SYNE2: variants seen among roughly 807,000 people sequenced by gnomAD.
The protein encoded by SYNE2 is nesprin-2.
Under a neutral mutation model 856.3 loss-of-function variants are expected in SYNE2, and 431 were observed. The ratio of observed to expected loss-of-function variants is 0.50; its 90% confidence interval spans 0.47 to 0.55. The LOEUF is 0.55. SYNE2 is among the 20% of genes least tolerant of loss of function. The probability of loss-of-function intolerance (pLI) is 0.00; values close to 1 mark genes in which losing one functional copy is unlikely to be tolerated. For synonymous variants in SYNE2, 2,923 were observed against 2,872.3 expected, an observed-to-expected ratio of 1.02 and a Z score of -0.56; for missense variants, 8,129 against 8,023.2, an observed-to-expected ratio of 1.01 and a Z score of -0.50.
In SYNE2 at chr14:63,790,524, T is replaced by G. The variant is rs576363131; in HGVS notation, c.-305+28538T>G. On this transcript the variant is annotated intron_variant, in intron 1 of 23. Coordinates refer to the SYNE2 transcript ENST00000674003. Reference sequence around the variant, plus strand: ...TAAAGAATACCTTTTACTTTTGTAATCAGAAAAAACAATACAGCTGTCTCC... The same window carrying G: ...TAAAGAATACCTTTTACTTTTGTAAGCAGAAAAAACAATACAGCTGTCTCC... Among the ~76,000 whole-genome samples, 28 of 152,228 alleles carry G rather than the reference T, an allele frequency of 1.8e-4. 1 individual carries two copies. The highest frequency in any genetic ancestry group is 3.2e-4 in the Non-Finnish European group (22 of 68,006).
chr14:64,199,634 C>T (rs1057285109), intron 99 of SYNE2, among the ~76,000 whole-genome samples: 1 of 149,312 alleles, frequency 6.7e-6, no homozygotes, highest in Non-Finnish European at 1.5e-5. Context: ...AGGAGAATCA[C>T]TTGAACCTGG....
chr14:63,874,701 A>G (rs2094675306), intron 1 of SYNE2, among the ~76,000 whole-genome samples: 1 of 152,218 alleles, frequency 6.6e-6, no homozygotes, highest in Non-Finnish European at 1.5e-5. Context: ...ACAAGTGGGT[A>G]ACCTCAAAGG....
chr14:64,177,330 TA>T (rs755058243), intron 95 of SYNE2, 27 bp from the exon 96 acceptor site: 4 of 1,613,820 alleles, frequency 2.5e-6, no homozygotes, highest in Non-Finnish European at 3.4e-6. Flanking sequence ...GCAAAATACT[TA>T]CCAGTTTTAA....
chr14:63,869,461 A>C (rs2140347051), intron 1 of SYNE2, among the ~76,000 whole-genome samples: 1 of 151,818 alleles, frequency 6.6e-6, no homozygotes, highest in African/African-American at 2.4e-5. Flanking sequence ...ATCTCTACTA[A>C]AAATACAAAA....
At chr14:64,100,223 C>T (rs1393694371) in intron 63 of SYNE2, 2 of 151,686 alleles carry the variant, frequency 1.3e-5, no homozygotes, top group Non-Finnish European at 2.9e-5. Flanking sequence ...AGTAAACTAT[C>T]GCAAGAACAA....
At chr14:63,918,047 T>A (rs2095552648) in intron 2 of SYNE2, among the ~76,000 whole-genome samples, 1 of 152,158 alleles carries the variant, frequency 6.6e-6, no homozygotes, top group South Asian at 2.1e-4. Flanking sequence ...TCATTCCTTA[T>A]AGAAATAAAA....
At chr14:63,873,054 G>A (rs2094625180) in intron 1 of SYNE2, among the ~76,000 whole-genome samples, 2 of 152,014 alleles carry the variant, frequency 1.3e-5, no homozygotes, top group South Asian at 2.1e-4. Flanking sequence ...TTTTCGTTTT[G>A]ATTTGTAGGT....
intron 9 of SYNE2, among the ~76,000 whole-genome samples, chr14:63,962,900 A>G (rs1318346390): frequency 6.6e-6 from 1 of 152,212 alleles, no homozygotes; most frequent in Non-Finnish European, 1.5e-5. Flanking sequence ...TCAGTGAATT[A>G]CACAAAATAT....
chr14:64,156,240 A>T (rs2098284135), intron 85 of SYNE2, among the ~76,000 whole-genome samples: 1 of 152,150 alleles, frequency 6.6e-6, no homozygotes, highest in African/African-American at 2.4e-5. Flanking sequence ...AAGGTGCTAG[A>T]AGTTCCACCA....
intron 37 of SYNE2, among the ~76,000 whole-genome samples, 164 bp downstream of exon 37, chr14:64,022,192 T>C (rs1482633531): frequency 1.3e-5 from 2 of 152,220 alleles, no homozygotes; most frequent in Non-Finnish European, 2.9e-5. Flanking sequence ...GACTGATTTA[T>C]GCTTGACATA....
At chr14:63,814,808 CCATAT>C (rs1888821866) in intron 1 of SYNE2, among the ~76,000 whole-genome samples, 3 of 61,938 alleles carry the variant, frequency 4.8e-5, no homozygotes, top group African/African-American at 1.8e-4. Context: ...CCATATATAT[CCATAT>C]ATATATCCAT....
At chr14:63,768,000 C>T (rs965082760) in intron 1 of SYNE2, among the ~76,000 whole-genome samples, 1 of 151,964 alleles carries the variant, frequency 6.6e-6, no homozygotes, top group Non-Finnish European at 1.5e-5. Flanking sequence ...TCAGGACCAG[C>T]CTAGGCAGCA....
chr14:63,921,308 A>G (rs974548324), intron 2 of SYNE2, among the ~76,000 whole-genome samples: 1 of 152,196 alleles, frequency 6.6e-6, no homozygotes, highest in Non-Finnish European at 1.5e-5. Flanking sequence ...ATATCCAGAC[A>G]ACAATGGGAT....
chr14:63,790,426 C>A (rs1014451089), intron 1 of SYNE2, among the ~76,000 whole-genome samples: 1 of 152,118 alleles, frequency 6.6e-6, no homozygotes, highest in Non-Finnish European at 1.5e-5. Context: ...TTTTGTATAT[C>A]TGAGTTTGTT....
chr14:64,184,715 C>T (rs777415326), intron 96 of SYNE2, among the ~76,000 whole-genome samples: 21 of 152,188 alleles, frequency 1.4e-4, no homozygotes, highest in Non-Finnish European at 2.8e-4. Context: ...CTGCTGTCAT[C>T]TACTGGAACC....
chr14:64,101,246 T>A (rs1002749149), intron 63 of SYNE2, among the ~76,000 whole-genome samples: 1 of 152,164 alleles, frequency 6.6e-6, no homozygotes, highest in Non-Finnish European at 1.5e-5. Context: ...CCACCGACAG[T>A]ATTCAGGGGT....
intron 86 of SYNE2, 64 bp downstream of exon 86, chr14:64,158,859 A>G: frequency 6.5e-7 from 1 of 1,548,414 alleles, no homozygotes; most frequent in South Asian, 1.1e-5. Context: ...GAGGAAGCAC[A>G]GTAACGGGCA....
intron 1 of SYNE2, among the ~76,000 whole-genome samples, chr14:63,830,506 T>A (rs1427262356): frequency 7.9e-5 from 12 of 151,756 alleles, no homozygotes; most frequent in Non-Finnish European, 1.6e-4. Flanking sequence ...AAATAATTTT[T>A]AAAAATTAAC....
chr14:63,995,703 C>CT (rs1230265978), intron 23 of SYNE2, among the ~76,000 whole-genome samples: 2 of 151,304 alleles, frequency 1.3e-5, no homozygotes, highest in African/African-American at 4.9e-5. Flanking sequence ...GTCAGTCTCT[C>CT]TTGCTTTATA....
Sources: allele counts gnomAD v4.1 joint callset (sites outside exome capture counted in the v4.1 genomes callset), GRCh38; gene constraint gnomAD v4.1.1; transcripts MANE v1.5; gene names NCBI Gene and HGNC (gene_info 2026-07-23, HGNC 2026-07-21).